Variants in PRND observed in about 807,000 individuals in gnomAD.
The protein encoded by PRND is prion like protein doppel.
For synonymous variants in PRND, 94 were observed against 93.2 expected (o/e 1.01, Z -0.05); for missense variants, 227 against 223.3 (o/e 1.02, Z -0.11).
Position 4,724,392 on chromosome 20 carries a change from C to T in PRND, c.-11-149C>T. The T allele has an allele frequency of 9.4e-7, 1 of 1,060,016 alleles. No homozygotes were observed. Among genetic ancestry groups the T allele is most frequent in the South Asian group, 1.4e-5 (1 of 71,576 alleles). 65.7% of individuals were successfully genotyped at this position (1,060,016 alleles called of 1,614,324 possible). ...CGGTGTTTGAGTTAACCCTGCACAA[C>T]CCAAACATGGGGAAACAATTATGCT... On this transcript the variant is annotated intron_variant, in intron 1 of 1. Transcript: ENST00000305817. This position sits in a 1 kb window ranked among gnomAD's most constrained non-coding sequence, Gnocchi z 4.8.
chr20:4,722,377 T>C lies in PRND; in HGVS notation c.-12+408T>C, dbSNP rs149669797. ...GACTAATGAATATTTGCTTCATGCT[T>C]GGATCTCTTTGGAGAAAGTCAGTCT... On this transcript the variant is annotated intron_variant, in intron 1 of 1. Transcript: ENST00000305817. Among the ~76,000 whole-genome samples the C allele has an allele frequency of 7.3e-3, 1,104 of 152,174 alleles. 8 individuals are homozygous for C. Among genetic ancestry groups the C allele is most frequent in the Non-Finnish European group, 0.012 (799 of 68,012 alleles).
In PRND at chr20:4,727,793, C is replaced by CTTTTTTTTTTTTTTTTTTTTTTTTTTTT. The variant is rs59537500; in HGVS notation, c.*2721_*2722insTTTTTTTTTTTTTTTTTTTTTTTTTTTT. 22 of 142,540 alleles carry CTTTTTTTTTTTTTTTTTTTTTTTTTTTT rather than the reference C, an allele frequency of 1.5e-4. 1 individual carries two copies. Among genetic ancestry groups the CTTTTTTTTTTTTTTTTTTTTTTTTTTTT allele is most frequent in the South Asian group, 2.6e-4 (1 of 3,884 alleles). The allele number at this position is 142,540 out of a possible 1,614,324, so 8.8% of individuals were successfully genotyped here. A position where few individuals can be genotyped will look rare whatever the true frequency, so the allele number is the denominator to read the frequency against. On this transcript the variant is annotated 3_prime_UTR_variant, in exon 2 of 2. Coordinates refer to ENST00000305817, the MANE Select transcript of PRND (RefSeq NM_012409.4). ...AATGCTTTCTACTCATTTTTCTATA[C>CTTTTTTTTTTTTTTTTTTTTTTTTTTTT]TTTTTTTTTTGAGGCAGAGTCTCAT...
In PRND at chr20:4,727,760, CTT is replaced by C. The variant is rs1427311423; in HGVS notation, c.*2679_*2680del. 1 of 161,068 alleles carries C rather than the reference CTT, an allele frequency of 6.2e-6. No homozygotes were observed. The highest frequency in any genetic ancestry group is 2.6e-5 in the African/African-American group (1 of 38,128). 10.0% of individuals were successfully genotyped at this position (161,068 alleles called of 1,614,324 possible). ...TTTTATATTCTAAATTTTTACTTAA[CTT>C]AATTCAATGCTTTCTACTCATTTTT... On this transcript the variant is annotated 3_prime_UTR_variant, in exon 2 of 2. Transcript: ENST00000305817.
rs558680917 is a variant in PRND, at chr20:4,722,660, T to C, written c.-12+691T>C. 1.3e-5 allele frequency among the ~76,000 whole-genome samples: 2 copies of C among 152,200 alleles called. 1 individual carries two copies. Among genetic ancestry groups the C allele is most frequent in the South Asian group, 4.1e-4 (2 of 4,822 alleles). Reference sequence around the variant, plus strand: ...GAACATTAGCCACTTTTAGGGAAGCTGCAGCAGGGTGGTGGAGGGTGTGTG... The same window carrying C: ...GAACATTAGCCACTTTTAGGGAAGCCGCAGCAGGGTGGTGGAGGGTGTGTG... On this transcript the variant is annotated intron_variant, in intron 1 of 1. Coordinates refer to ENST00000305817, the MANE Select transcript of PRND (RefSeq NM_012409.4).
chr20:4,727,939 C>A lies in PRND; in HGVS notation c.*2857C>A, dbSNP rs1923328842. On this transcript the variant is annotated 3_prime_UTR_variant, in exon 2 of 2. Coordinates refer to ENST00000305817, the MANE Select transcript of PRND (RefSeq NM_012409.4). ...TAGGTGGGATTACAGGTGCCCACCA[C>A]CAAGCCCTGCAAATTTTTTTGTATT... is the stretch of plus-strand genomic sequence containing the variant. 1 of 160,002 alleles carries A rather than the reference C, an allele frequency of 6.2e-6. No homozygotes were observed. Among genetic ancestry groups the A allele is most frequent in the Non-Finnish European group, 1.5e-5 (1 of 68,072 alleles). 9.9% of individuals were successfully genotyped at this position (160,002 alleles called of 1,614,324 possible).
chr20:4,725,463 C>A lies in PRND; in HGVS notation c.*381C>A. On this transcript the variant is annotated 3_prime_UTR_variant, in exon 2 of 2. Coordinates refer to ENST00000305817, the MANE Select transcript of PRND (RefSeq NM_012409.4). ...GGCCCAGAGAGCTGAAGTACTGCAC[C>A]CAGCATCACCAGCTAGAAAGTGGCA... 1 of 210,258 alleles carries A rather than the reference C, an allele frequency of 4.8e-6. No homozygotes were observed. Among genetic ancestry groups the A allele is most frequent in the Non-Finnish European group, 1.1e-5 (1 of 92,808 alleles). 13.0% of individuals were successfully genotyped at this position (210,258 alleles called of 1,614,324 possible).
chr20:4,723,809 G>C (rs1027285724), intron 1 of PRND, among the ~76,000 whole-genome samples: 1 of 152,002 alleles, frequency 6.6e-6, no homozygotes, highest in Non-Finnish European at 1.5e-5. Flanking sequence ...GTGTGTGCCT[G>C]TAGTCCCAGC....
In PRND at chr20:4,724,778, G is replaced by A. The variant is rs1923209864; in HGVS notation, c.227G>A (p.Arg76Lys). The A allele has an allele frequency of 6.2e-7, 1 of 1,614,114 alleles. No individual in the cohort carries two copies. The highest frequency in any genetic ancestry group is 2.2e-5 in the East Asian group (1 of 44,896). The change falls in exon 2 of 2, where the codon AGG becomes AAG. Residue 76 changes from arginine to lysine, a missense_variant. Physicochemically the swap from Arg to Lys is conservative, Grantham distance 26. Coordinates refer to ENST00000305817, the MANE Select transcript of PRND (RefSeq NM_012409.4). The surrounding 1 kb of genome is among the most constrained non-coding windows in gnomAD (Gnocchi z 4.8). ...LDIDFGAEGN[R>K]YYEANYWQFP... is the part of the protein sequence containing the mutation. ...ATTGACTTCGGAGCCGAGGGCAACA[G>A]GTACTACGAGGCCAACTACTGGCAG...
Position 4,725,133 on chromosome 20 carries a change from A to G in PRND, c.*51A>G. 6.3e-7 allele frequency: 1 copy of G among 1,576,528 alleles called. No individual in the cohort carries two copies. The highest frequency in any genetic ancestry group is 8.6e-7 in the Non-Finnish European group (1 of 1,160,850). On this transcript the variant is annotated 3_prime_UTR_variant, in exon 2 of 2. Transcript: ENST00000305817. The stretch of plus-strand genomic sequence containing the variant: ...AGTGCAGCAGCGAGCAAATCCTGGC[A>G]AGTGACCCAGCTCTTCTCCCCCAAA...
intron 1 of PRND, among the ~76,000 whole-genome samples, chr20:4,723,890 C>T (rs1190053351): frequency 6.6e-6 from 1 of 151,520 alleles, no homozygotes; most frequent in Non-Finnish European, 1.5e-5. Context: ...TATGATCATG[C>T]CACTGCACTC....
At chr20:4,723,938 A>ATGTGTGTGTGTGTG (rs78289429) in intron 1 of PRND, among the ~76,000 whole-genome samples, 2 of 146,110 alleles carry the variant, frequency 1.4e-5, no homozygotes, top group African/African-American at 5.1e-5. Flanking sequence ...TCTCTAAAAT[A>ATGTGTGTGTGTGTG]TGTGTGTGTG....
intron 1 of PRND, among the ~76,000 whole-genome samples, chr20:4,723,203 CAG>C (rs1360727946): frequency 3.9e-5 from 6 of 152,300 alleles, no homozygotes; most frequent in African/African-American, 1.4e-4. Context: ...CAGCATTAGA[CAG>C]AGCCCAGTGC....
chr20:4,722,687 G>A (rs1923137921), intron 1 of PRND, among the ~76,000 whole-genome samples: 1 of 152,130 alleles, frequency 6.6e-6, no homozygotes, highest in African/African-American at 2.4e-5. Flanking sequence ...GGGTGTGTGA[G>A]GGGCGAAACA....
Position 4,724,489 on chromosome 20 carries a change from G to A in PRND, c.-11-52G>A. On this transcript the variant is annotated intron_variant, in intron 1 of 1. Coordinates refer to ENST00000305817, the MANE Select transcript of PRND (RefSeq NM_012409.4). This position sits in a 1 kb window ranked among gnomAD's most constrained non-coding sequence, Gnocchi z 4.8. Reference sequence around the variant, plus strand: ...TCTCCTGCACTTGGGAGGGGGCAGGGGAGCCCAGGCAGGCCTGGTGGGGAG... The same window carrying A: ...TCTCCTGCACTTGGGAGGGGGCAGGAGAGCCCAGGCAGGCCTGGTGGGGAG... The A allele has an allele frequency of 6.9e-6, 11 of 1,605,368 alleles. No individual in the cohort carries two copies. The highest frequency in any genetic ancestry group is 9.4e-6 in the Non-Finnish European group (11 of 1,173,424).
Position 4,727,357 on chromosome 20 carries a change from C to G in PRND, c.*2275C>G. ...GGCTTTTAATCGAACGCGTGTGTGCCTGAACATTCTTGCTCAAGTTGATGA... is the reference window on the plus strand; with the variant it reads ...GGCTTTTAATCGAACGCGTGTGTGCGTGAACATTCTTGCTCAAGTTGATGA... On this transcript the variant is annotated 3_prime_UTR_variant, in exon 2 of 2. Coordinates refer to ENST00000305817, the MANE Select transcript of PRND (RefSeq NM_012409.4). The G allele has an allele frequency of 6.0e-6, 1 of 167,014 alleles. No individual in the cohort carries two copies. The highest frequency in any genetic ancestry group is 6.5e-5 in the Admixed American group (1 of 15,288). 10.3% of individuals were successfully genotyped at this position (167,014 alleles called of 1,614,324 possible). A position where few individuals can be genotyped will look rare whatever the true frequency, so the allele number is the denominator to read the frequency against.
In PRND at chr20:4,724,541, G is replaced by C. The variant is rs1249907504; in HGVS notation, c.-11G>C. On this transcript the variant is annotated splice_region_variant and 5_prime_UTR_variant, in exon 2 of 2. Coordinates refer to ENST00000305817, the MANE Select transcript of PRND (RefSeq NM_012409.4). The surrounding 1 kb of genome is among the most constrained non-coding windows in gnomAD (Gnocchi z 4.8). ...TGACCCACCGCCGTTTCTCTGGCAG[G>C]TTCTGACGCGATGAGGAAGCACCTG... is the stretch of plus-strand genomic sequence containing the variant. 6.2e-7 allele frequency: 1 copy of C among 1,613,858 alleles called. No individual in the cohort carries two copies. Among genetic ancestry groups the C allele is most frequent in the Non-Finnish European group, 8.5e-7 (1 of 1,180,040 alleles).
chr20:4,725,862 C>CT lies in PRND; in HGVS notation c.*796dup, dbSNP rs56112733. ...CCTGTGGCATGAAGATTTTCTTTCT[C>CT]TTTTTTTTTTTTTTTTAGATGGAGT... On this transcript the variant is annotated 3_prime_UTR_variant, in exon 2 of 2. Coordinates refer to ENST00000305817, the MANE Select transcript of PRND (RefSeq NM_012409.4). The CT allele has an allele frequency of 3.6e-3, 540 of 152,084 alleles. No individual in the cohort carries two copies. The highest frequency in any genetic ancestry group is 1.6e-3 in the South Asian group (7 of 4,418). The allele number at this position is 152,084 out of a possible 1,614,324, so 9.4% of individuals were successfully genotyped here. A position where few individuals can be genotyped will look rare whatever the true frequency, so the allele number is the denominator to read the frequency against.
Position 4,726,752 on chromosome 20 carries a change from A to G in PRND, c.*1670A>G, listed in dbSNP as rs1304845261. On this transcript the variant is annotated 3_prime_UTR_variant, in exon 2 of 2. Transcript: ENST00000305817. ...TTTATCCAAAGCATTGCAGAACATG[A>G]GTGCTGATGAGGGCACCTCTTGTGC... The G allele has an allele frequency of 6.0e-6, 1 of 167,122 alleles. No individual in the cohort carries two copies. Among genetic ancestry groups the G allele is most frequent in the Admixed American group, 6.5e-5 (1 of 15,288 alleles). 10.4% of individuals were successfully genotyped at this position (167,122 alleles called of 1,614,324 possible).
At position 4,725,122 on chromosome 20, in the gene PRND, C is replaced by G. The variant is rs374643272; in HGVS notation, c.*40C>G. 16 of 1,586,128 alleles carry G rather than the reference C, an allele frequency of 1.0e-5. No individual in the cohort carries two copies. The highest frequency in any genetic ancestry group is 1.4e-5 in the Non-Finnish European group (16 of 1,165,988). On this transcript the variant is annotated 3_prime_UTR_variant, in exon 2 of 2. Coordinates refer to ENST00000305817, the MANE Select transcript of PRND (RefSeq NM_012409.4). ...TGGCAGTACAGAGTGCAGCAGCGAG[C>G]AAATCCTGGCAAGTGACCCAGCTCT...
Sources: allele counts gnomAD v4.1 joint callset (sites outside exome capture counted in the v4.1 genomes callset), GRCh38; gene constraint gnomAD v4.1.1; non-coding constraint Gnocchi (gnomAD v3.1); transcripts MANE v1.5; gene names NCBI Gene and HGNC (gene_info 2026-07-23, HGNC 2026-07-21).